Variants in NCDN observed in about 807,000 individuals in gnomAD.
The protein encoded by NCDN is neurochondrin.
NCDN carries 9 observed loss-of-function variants against 60.7 expected under a neutral mutation model. That is an observed-to-expected ratio of 0.15 (90% CI 0.09 to 0.26). The LOEUF (loss-of-function observed/expected upper bound fraction) is 0.26. NCDN is among the 10% of genes least tolerant of loss of function. NCDN has a pLI of 1.00. For missense variants in NCDN, 578 were observed against 975.2 expected (o/e 0.59, Z 5.42); for synonymous variants, 409 against 442.5 (o/e 0.92, Z 0.95).
intron 2 of NCDN, 115 bp downstream of exon 2, chr1:35,559,362 C>G: frequency 7.4e-7 from 1 of 1,347,150 alleles, no homozygotes; most frequent in Non-Finnish European, 1.0e-6. Context: ...CCTGGAGGCA[C>G]CAACGAAGGC....
Position 35,561,124 on chromosome 1 carries a change from A to C in NCDN, c.973A>C (p.Thr325Pro). The C allele has an allele frequency of 1.2e-6, 2 of 1,612,952 alleles. No individual in the cohort carries two copies. Among genetic ancestry groups the C allele is most frequent in the Non-Finnish European group, 1.7e-6 (2 of 1,179,562 alleles). ...GGAAGTGCGGCTGGCACTGGAGGAG[A>C]CGGGCACGGAGGTGAAAGAGGATGT... ...CVEVRLALEE[T>P]GTEVKEDVVT... The change falls in exon 3 of 7, where the codon ACG becomes CCG. Residue 325 changes from threonine (T) to proline (P), a missense_variant. Physicochemically the swap from Thr to Pro is conservative, Grantham distance 38. Transcript: ENST00000373243. This position sits in a 1 kb window ranked among gnomAD's most constrained non-coding sequence, Gnocchi z 4.9.
In NCDN at chr1:35,561,093, G is replaced by T. The variant is rs141623030; in HGVS notation, c.942G>T (p.Ala314=). 1.2e-6 allele frequency: 2 copies of T among 1,613,716 alleles called. No individual in the cohort carries two copies. The highest frequency in any genetic ancestry group is 1.3e-5 in the African/African-American group (1 of 74,936). ...SKFLALLVNL[A]CVEVRLALEE... ...TCCTGGCCCTGCTGGTGAATCTGGC[G>T]TGCGTGGAAGTGCGGCTGGCACTGG... Residue 314 remains alanine (A), a synonymous_variant, in exon 3 of 7, where the codon GCG becomes GCT. Transcript: ENST00000373243. The surrounding 1 kb of genome is among the most constrained non-coding windows in gnomAD (Gnocchi z 4.9).
chr1:35,559,296 G>A, intron 2 of NCDN, 49 bp downstream of exon 2: 2 of 1,611,768 alleles, frequency 1.2e-6, no homozygotes, highest in Non-Finnish European at 1.7e-6. Context: ...GGGTGGTTGG[G>A]CCCCCAAGGA....
In NCDN at chr1:35,558,238, G is replaced by A; in HGVS notation, c.33+15G>A. ...CGGCGGGACAGGTGGTGACCGCCAG[G>A]AACCCTCCTCCCCTTCTCATCTCCC... On this transcript the variant is annotated intron_variant, in intron 1 of 6. Coordinates refer to ENST00000373243, the MANE Select transcript of NCDN (RefSeq NM_014284.3). This position sits in a 1 kb window ranked among gnomAD's most constrained non-coding sequence, Gnocchi z 6.3. 1.2e-6 allele frequency: 2 copies of A among 1,613,912 alleles called. No homozygotes were observed. The highest frequency in any genetic ancestry group is 1.7e-6 in the Non-Finnish European group (2 of 1,179,962).
In NCDN at chr1:35,561,445, C is replaced by T. The variant is rs527805141; in HGVS notation, c.1143+151C>T. 403 of 1,131,944 alleles carry T rather than the reference C, an allele frequency of 3.6e-4. No individual in the cohort carries two copies. The highest frequency in any genetic ancestry group is 4.5e-4 in the Non-Finnish European group (374 of 823,518). The allele number at this position is 1,131,944 out of a possible 1,614,324, so 70.1% of individuals were successfully genotyped here. A position where few individuals can be genotyped will look rare whatever the true frequency, so the allele number is the denominator to read the frequency against. On this transcript the variant is annotated intron_variant, in intron 3 of 6. Coordinates refer to ENST00000373243, the MANE Select transcript of NCDN (RefSeq NM_014284.3). The surrounding 1 kb of genome is among the most constrained non-coding windows in gnomAD (Gnocchi z 4.9). ...AGCCAGCACTCCAGGGAGTAGTGTG[C>T]GGCCCAACCTCCCTCTCTCTCCCTC...
In NCDN at chr1:35,566,459, A is replaced by G. The variant is rs1308627949; in HGVS notation, c.*796A>G. The G allele has an allele frequency of 1.5e-5, 4 of 273,632 alleles. No individual in the cohort carries two copies. The highest frequency in any genetic ancestry group is 2.9e-5 in the Non-Finnish European group (4 of 135,756). The allele number at this position is 273,632 out of a possible 1,614,324, so 17.0% of individuals were successfully genotyped here. ...CCCTGGTGCCATCTGGCCTGGCTGG[A>G]GCCAGGAACAGGAGGGACACTTCCC... is the stretch of plus-strand genomic sequence containing the variant. On this transcript the variant is annotated 3_prime_UTR_variant, in exon 7 of 7. Transcript: ENST00000373243. This position sits in a 1 kb window ranked among gnomAD's most constrained non-coding sequence, Gnocchi z 5.3.
chr1:35,559,611 G>A (rs1648630417), intron 2 of NCDN, among the ~76,000 whole-genome samples: 1 of 152,128 alleles, frequency 6.6e-6, no homozygotes, highest in Non-Finnish European at 1.5e-5. Context: ...GGAAGTGGCT[G>A]GGGAGGGGTC....
rs539450659 is a variant in NCDN at position 35,560,665 on chromosome 1, C to A, written c.514C>A (p.Leu172Ile). ...VAGTPRGPRH[L>I]IAGGTVSALC... The stretch of plus-strand genomic sequence containing the variant: ...AGGCACACCCAGAGGGCCTCGGCAC[C>A]TCATTGCTGGTGGCACCGTGTCTGC... The change falls in exon 3 of 7, where the codon CTC becomes ATC. Residue 172 changes from leucine to isoleucine, a missense_variant. By Grantham distance (5) the Leu-to-Ile change is conservative. Transcript: ENST00000373243. This position sits in a 1 kb window ranked among gnomAD's most constrained non-coding sequence, Gnocchi z 7.6. 1 of 1,613,370 alleles carries A rather than the reference C, an allele frequency of 6.2e-7. No individual in the cohort carries two copies. Among genetic ancestry groups the A allele is most frequent in the Non-Finnish European group, 8.5e-7 (1 of 1,180,038 alleles).
In NCDN at chr1:35,560,673, T is replaced by G. The variant is rs917790044; in HGVS notation, c.522T>G (p.Ala174=). ...GTPRGPRHLI[A]GGTVSALCQA... ...CCAGAGGGCCTCGGCACCTCATTGC[T>G]GGTGGCACCGTGTCTGCCCTATGCC... The change falls in exon 3 of 7, where the codon GCT becomes GCG. Residue 174 remains alanine (A), a synonymous_variant. Transcript: ENST00000373243. The surrounding 1 kb of genome is among the most constrained non-coding windows in gnomAD (Gnocchi z 7.6). 4 of 1,613,110 alleles carry G rather than the reference T, an allele frequency of 2.5e-6. No individual in the cohort carries two copies. Among genetic ancestry groups the G allele is most frequent in the Non-Finnish European group, 3.4e-6 (4 of 1,180,044 alleles).
Position 35,560,739 on chromosome 1 carries a change from G to T in NCDN, c.588G>T (p.Leu196=). ...LGHGYGFDQA[L]ALLVGLLAAA... Reference sequence around the variant, plus strand: ...ACGGCTATGGCTTTGACCAGGCCCTGGCACTCCTGGTGGGGCTGCTGGCTG... The same window carrying T: ...ACGGCTATGGCTTTGACCAGGCCCTTGCACTCCTGGTGGGGCTGCTGGCTG... The change falls in exon 3 of 7, where the codon CTG becomes CTT. Residue 196 remains leucine, a synonymous_variant. Coordinates refer to ENST00000373243, the MANE Select transcript of NCDN (RefSeq NM_014284.3). This position sits in a 1 kb window ranked among gnomAD's most constrained non-coding sequence, Gnocchi z 7.6. The T allele has an allele frequency of 6.2e-7, 1 of 1,612,388 alleles. No individual in the cohort carries two copies. The highest frequency in any genetic ancestry group is 1.1e-5 in the South Asian group (1 of 91,082).
In NCDN at chr1:35,558,621, A is replaced by G; in HGVS notation, c.33+398A>G. On this transcript the variant is annotated intron_variant, in intron 1 of 6. Coordinates refer to ENST00000373243, the MANE Select transcript of NCDN (RefSeq NM_014284.3). This position sits in a 1 kb window ranked among gnomAD's most constrained non-coding sequence, Gnocchi z 6.3. The stretch of plus-strand genomic sequence containing the variant: ...CTCTGCCTCTGAAGAAGGGAGGGGA[A>G]AGGAAGCCTGGGGTGTCCTTTTCTC... 1 of 1,165,584 alleles carries G rather than the reference A, an allele frequency of 8.6e-7. No homozygotes were observed. The highest frequency in any genetic ancestry group is 1.1e-6 in the Non-Finnish European group (1 of 940,092). The allele number at this position is 1,165,584 out of a possible 1,614,324, so 72.2% of individuals were successfully genotyped here.
chr1:35,564,795 C>T (rs1292475491), intron 6 of NCDN, among the ~76,000 whole-genome samples: 3 of 152,184 alleles, frequency 2.0e-5, no homozygotes, highest in Non-Finnish European at 1.5e-5. Flanking sequence ...AGCAGGGTCA[C>T]TTGCTTATGT....
chr1:35,561,978 G>A lies in NCDN; in HGVS notation c.1144-414G>A, dbSNP rs1236103623. ...TCCCACCATTGGGAGCAGTTACACA[G>A]TAGCCAGGAACCTGCCCTCCCACCC... On this transcript the variant is annotated intron_variant, in intron 3 of 6. Coordinates refer to ENST00000373243, the MANE Select transcript of NCDN (RefSeq NM_014284.3). This position sits in a 1 kb window ranked among gnomAD's most constrained non-coding sequence, Gnocchi z 4.9. 6.6e-6 allele frequency among the ~76,000 whole-genome samples: 1 copy of A among 152,248 alleles called. No homozygotes were observed. Among genetic ancestry groups the A allele is most frequent in the Admixed American group, 6.5e-5 (1 of 15,288 alleles).
Position 35,559,094 on chromosome 1 carries a change from C to G in NCDN, c.34-13C>G. On this transcript the variant is annotated splice_polypyrimidine_tract_variant and intron_variant, in intron 1 of 6. Coordinates refer to ENST00000373243, the MANE Select transcript of NCDN (RefSeq NM_014284.3). ...CTCTGCAGAGGGATGCTCAGTCCCTCTTGTGTTCACAGTTGGGCAAGGCGA... is the reference window on the plus strand; with the variant it reads ...CTCTGCAGAGGGATGCTCAGTCCCTGTTGTGTTCACAGTTGGGCAAGGCGA... 1 of 1,602,418 alleles carries G rather than the reference C, an allele frequency of 6.2e-7. No homozygotes were observed. Among genetic ancestry groups the G allele is most frequent in the Non-Finnish European group, 8.5e-7 (1 of 1,173,184 alleles).
In NCDN at chr1:35,558,124, T is replaced by C; in HGVS notation, c.-67T>C. On this transcript the variant is annotated 5_prime_UTR_variant, in exon 1 of 7. Transcript: ENST00000373243. The surrounding 1 kb of genome is among the most constrained non-coding windows in gnomAD (Gnocchi z 6.3). ...CTCCCATGTCGTGATTTTGACGTGA[T>C]CTCTCCGTGACATCACCGCGCCATC... is the stretch of plus-strand genomic sequence containing the variant. 2.5e-6 allele frequency: 4 copies of C among 1,603,128 alleles called. No individual in the cohort carries two copies. The Admixed American group carries it at 6.7e-5, about 27-fold the overall frequency.
At position 35,563,322 on chromosome 1, in the gene NCDN, C is replaced by T. The variant is rs752035725; in HGVS notation, c.1506C>T (p.Ser502=). The change falls in exon 5 of 7, where the codon TCC becomes TCT. Residue 502 remains serine, a synonymous_variant. Coordinates refer to ENST00000373243, the MANE Select transcript of NCDN (RefSeq NM_014284.3). The surrounding 1 kb of genome is among the most constrained non-coding windows in gnomAD (Gnocchi z 6.6). ...TCCTGCAGCAGTGGGAACTCACATC[C>T]CCTGGCCACGACACCTCGGTGCTGC... ...KYFLQQWELT[S]PGHDTSVLPD... is the part of the protein sequence containing the mutation. 12 of 1,614,218 alleles carry T rather than the reference C, an allele frequency of 7.4e-6. No homozygotes were observed. In the East Asian group the frequency reaches 1.3e-4, roughly 18 times the overall value.
rs1474047557 is a variant in NCDN, at chr1:35,558,400, G to A, written c.33+177G>A. 2.0e-6 allele frequency: 3 copies of A among 1,476,436 alleles called. No individual in the cohort carries two copies. Among genetic ancestry groups the A allele is most frequent in the Non-Finnish European group, 1.8e-6 (2 of 1,118,656 alleles). The allele number at this position is 1,476,436 out of a possible 1,614,324, so 91.5% of individuals were successfully genotyped here. A position where few individuals can be genotyped will look rare whatever the true frequency, so the allele number is the denominator to read the frequency against. On this transcript the variant is annotated intron_variant, in intron 1 of 6. Transcript: ENST00000373243. This position sits in a 1 kb window ranked among gnomAD's most constrained non-coding sequence, Gnocchi z 6.3. ...AGCGGGACGGGGAGGGCGAGAAGAG[G>A]GAGCGCAAGGGGTTAATTCTGCTGC...
chr1:35,564,717 G>T (rs1035761117), intron 6 of NCDN, among the ~76,000 whole-genome samples: 2 of 152,212 alleles, frequency 1.3e-5, no homozygotes, highest in African/African-American at 4.8e-5. Flanking sequence ...ATACCACCAG[G>T]TTAGGTTGAC....
chr1:35,561,436 A>T lies in NCDN; in HGVS notation c.1143+142A>T. 1.6e-6 allele frequency: 2 copies of T among 1,254,646 alleles called. No homozygotes were observed. Among genetic ancestry groups the T allele is most frequent in the Non-Finnish European group, 2.1e-6 (2 of 932,802 alleles). 77.7% of individuals were successfully genotyped at this position (1,254,646 alleles called of 1,614,324 possible). A position where few individuals can be genotyped will look rare whatever the true frequency, so the allele number is the denominator to read the frequency against. ...TGATACTGTAGCCAGCACTCCAGGGAGTAGTGTGCGGCCCAACCTCCCTCT... is the reference window on the plus strand; with the variant it reads ...TGATACTGTAGCCAGCACTCCAGGGTGTAGTGTGCGGCCCAACCTCCCTCT... On this transcript the variant is annotated intron_variant, in intron 3 of 6. Transcript: ENST00000373243. The surrounding 1 kb of genome is among the most constrained non-coding windows in gnomAD (Gnocchi z 4.9).
Sources: allele counts gnomAD v4.1 joint callset (sites outside exome capture counted in the v4.1 genomes callset), GRCh38; gene constraint gnomAD v4.1.1; non-coding constraint Gnocchi (gnomAD v3.1); transcripts MANE v1.5; gene names NCBI Gene and HGNC (gene_info 2026-07-23, HGNC 2026-07-21).